The following CNTNAP5 variants were observed in gnomAD, a reference collection of about 807,000 sequenced individuals.
The protein encoded by CNTNAP5 is contactin associated protein family member 5, also known as contactin-associated protein-like 5.
In CNTNAP5, 72 loss-of-function variants were observed where a neutral mutation model predicts 150.2. The observed-to-expected ratio is 0.48, with a 90% CI of 0.40 to 0.58. The LOEUF (loss-of-function observed/expected upper bound fraction) is 0.58, where lower values mean the gene tolerates loss of function less well. CNTNAP5 is among the 20% of genes least tolerant of loss of function. The probability of loss-of-function intolerance (pLI) is 0.00; values close to 1 mark genes in which losing one functional copy is unlikely to be tolerated. For synonymous variants in CNTNAP5, 672 were observed against 619.8 expected (o/e 1.08, Z -1.25); for missense variants, 1,636 against 1,626.2 (o/e 1.01, Z -0.10).
chr2:124,166,026 C>T lies in CNTNAP5; in HGVS notation c.83-55679C>T, dbSNP rs142810786. The stretch of plus-strand genomic sequence containing the variant: ...GAGGATTGTGAGTGTGAAATCGTGG[C>T]TGACTCTAAGACAGAATATCATCTA... On this transcript the variant is annotated intron_variant, in intron 1 of 23. Transcript: ENST00000682447. Among the ~76,000 whole-genome samples the T allele has an allele frequency of 1.3e-3, 199 of 152,270 alleles. 1 individual carries two copies. Among genetic ancestry groups the T allele is most frequent in the African/African-American group, 4.5e-3 (185 of 41,552 alleles).
At chr2:124,717,395 G>A (rs942719486) in intron 13 of CNTNAP5, among the ~76,000 whole-genome samples, 3 of 152,136 alleles carry the variant, frequency 2.0e-5, no homozygotes, top group Non-Finnish European at 2.9e-5. Context: ...TATAACCATA[G>A]CACTTTAGTG....
At chr2:124,429,072 A>G (rs1275044872) in intron 4 of CNTNAP5, among the ~76,000 whole-genome samples, 1 of 152,220 alleles carries the variant, frequency 6.6e-6, no homozygotes, top group Non-Finnish European at 1.5e-5. Context: ...AGTTCCAAAG[A>G]GATATCCAGA....
At chr2:124,869,108 A>G (rs968382578) in intron 20 of CNTNAP5, among the ~76,000 whole-genome samples, 4 of 152,150 alleles carry the variant, frequency 2.6e-5, no homozygotes, top group African/African-American at 4.8e-5. Flanking sequence ...GGGATTATCA[A>G]TCGTCCATGT....
At chr2:124,316,804 C>CAAAAAAAAAAAAAAAA (rs56812690) in intron 3 of CNTNAP5, among the ~76,000 whole-genome samples, 27 of 54,766 alleles carry the variant, frequency 4.9e-4, no homozygotes, top group Middle Eastern at 0.019. Flanking sequence ...GACTCCATCT[C>CAAAAAAAAAAAAAAAA]AAAAAAAAAA....
chr2:124,058,230 TAGAATAA>T (rs1389740098), intron 1 of CNTNAP5, among the ~76,000 whole-genome samples: 1 of 152,074 alleles, frequency 6.6e-6, no homozygotes, highest in Non-Finnish European at 1.5e-5. Flanking sequence ...CGTGTAACAA[TAGAATAA>T]AGACAAAATT....
chr2:124,848,261 A>T (rs1683089962), intron 19 of CNTNAP5, among the ~76,000 whole-genome samples: 1 of 152,308 alleles, frequency 6.6e-6, no homozygotes, highest in Non-Finnish European at 1.5e-5. Context: ...ACATATAAGT[A>T]AGAACATACA....
Position 124,504,073 on chromosome 2 carries a change from C to T in CNTNAP5, c.1063-219C>T, listed in dbSNP as rs17039899. Among the ~76,000 whole-genome samples the T allele has an allele frequency of 7.8e-3, 1,193 of 152,192 alleles. 19 individuals carry two copies. The highest frequency in any genetic ancestry group is 0.027 in the African/African-American group (1,112 of 41,510). On this transcript the variant is annotated intron_variant, in intron 7 of 23. Coordinates refer to ENST00000682447, the MANE Select transcript of CNTNAP5 (RefSeq NM_001367498.1). The stretch of plus-strand genomic sequence containing the variant: ...CCTTCCTTCTGGGACTCTCAGATGG[C>T]CCTCTTTGCAGATAGCATTGTGATC...
chr2:124,546,630 G>A (rs936436400), intron 10 of CNTNAP5, among the ~76,000 whole-genome samples: 10 of 152,192 alleles, frequency 6.6e-5, no homozygotes, highest in Non-Finnish European at 1.2e-4. Context: ...TAGACAATGT[G>A]GCTTCAAAAG....
chr2:124,438,111 C>T (rs1406007217), intron 5 of CNTNAP5, among the ~76,000 whole-genome samples: 1 of 152,092 alleles, frequency 6.6e-6, no homozygotes, highest in African/African-American at 2.4e-5. Context: ...GTTACCCTAA[C>T]CCTTACTGTG....
intron 3 of CNTNAP5, among the ~76,000 whole-genome samples, chr2:124,361,053 T>C (rs1323805776): frequency 1.6e-5 from 2 of 126,724 alleles, no homozygotes; most frequent in Non-Finnish European, 3.4e-5. Flanking sequence ...CTTCATTTCA[T>C]TCGTTTCATC....
At chr2:124,405,822 T>G (rs1385607652) in intron 3 of CNTNAP5, among the ~76,000 whole-genome samples, 1 of 152,250 alleles carries the variant, frequency 6.6e-6, no homozygotes, top group African/African-American at 2.4e-5. Flanking sequence ...TAGTGTGTTG[T>G]TGCAGGGATC....
At chr2:124,326,334 C>T (rs910174340) in intron 3 of CNTNAP5, among the ~76,000 whole-genome samples, 2 of 152,134 alleles carry the variant, frequency 1.3e-5, no homozygotes, top group African/African-American at 4.8e-5. Context: ...ACTTGTTTTT[C>T]AGCCAAGATC....
intron 1 of CNTNAP5, among the ~76,000 whole-genome samples, chr2:124,129,371 C>T (rs1683791999): frequency 6.6e-6 from 1 of 152,144 alleles, no homozygotes; most frequent in Non-Finnish European, 1.5e-5. Context: ...CGAGGTTAAG[C>T]ATATCTTTGC....
chr2:124,861,900 A>G (rs1677532671), intron 19 of CNTNAP5, among the ~76,000 whole-genome samples: 1 of 151,974 alleles, frequency 6.6e-6, no homozygotes, highest in Non-Finnish European at 1.5e-5. Context: ...TGCAACCTCT[A>G]CCTCCCAGGT....
intron 8 of CNTNAP5, among the ~76,000 whole-genome samples, chr2:124,519,761 A>C (rs1694811181): frequency 6.6e-6 from 1 of 152,218 alleles, no homozygotes; most frequent in Non-Finnish European, 1.5e-5. Context: ...TTGCAAGTTC[A>C]GTTGGAAGGA....
chr2:124,306,467 C>T (rs1374779668), intron 3 of CNTNAP5, among the ~76,000 whole-genome samples: 2 of 152,168 alleles, frequency 1.3e-5, no homozygotes, highest in Non-Finnish European at 2.9e-5. Context: ...GAGTTAATGA[C>T]TCTGGCCAGG....
chr2:124,725,654 T>G (rs1284562948), intron 13 of CNTNAP5, among the ~76,000 whole-genome samples: 2 of 152,092 alleles, frequency 1.3e-5, no homozygotes, highest in East Asian at 3.9e-4. Flanking sequence ...ATGCCACATA[T>G]TAGGTCTCCA....
chr2:124,867,586 A>G lies in CNTNAP5; in HGVS notation c.3349-2089A>G, dbSNP rs147603261. 2.9e-3 allele frequency among the ~76,000 whole-genome samples: 439 copies of G among 152,118 alleles called. 2 individuals are homozygous for G. Among genetic ancestry groups the G allele is most frequent in the African/African-American group, 9.5e-3 (396 of 41,502 alleles). ...TGCCCAATACAACTCTCGCCTGTTG[A>G]TCCTTCTGCCTGTGTTAGTTGCTCA... is the stretch of plus-strand genomic sequence containing the variant. On this transcript the variant is annotated intron_variant, in intron 20 of 23. Transcript: ENST00000682447.
At chr2:124,174,622 T>A (rs1479459381) in intron 1 of CNTNAP5, among the ~76,000 whole-genome samples, 1 of 152,210 alleles carries the variant, frequency 6.6e-6, no homozygotes, top group Non-Finnish European at 1.5e-5. Flanking sequence ...ACGTTGCTAC[T>A]TATGGATGAG....
Sources: allele counts gnomAD v4.1 joint callset (sites outside exome capture counted in the v4.1 genomes callset), GRCh38; gene constraint gnomAD v4.1.1; transcripts MANE v1.5; gene names NCBI Gene and HGNC (gene_info 2026-07-23, HGNC 2026-07-21).